The following TOP3A variants were observed in gnomAD, a reference collection of about 807,000 sequenced individuals.
The protein encoded by TOP3A is DNA topoisomerase 3-alpha.
A neutral mutation model predicts 111.3 loss-of-function variants in TOP3A; 64 were observed. That is an observed-to-expected ratio of 0.57 (90% CI 0.47 to 0.71). The LOEUF (loss-of-function observed/expected upper bound fraction) is 0.71. TOP3A is among the 30% of genes least tolerant of loss of function. The pLI is 0.00. For synonymous variants in TOP3A, 484 were observed against 485.1 expected (o/e 1.00, Z 0.03); for missense variants, 1,104 against 1,285.0 (o/e 0.86, Z 2.15).
Position 18,285,397 on chromosome 17 carries a change from C to T in TOP3A, c.1711+10G>A. The T allele has an allele frequency of 6.2e-7, 1 of 1,613,982 alleles. No homozygotes were observed. Among genetic ancestry groups the T allele is most frequent in the Non-Finnish European group, 8.5e-7 (1 of 1,179,942 alleles). On this transcript the variant is annotated intron_variant, in intron 14 of 18. Transcript: ENST00000321105. ...ACCCACTACCCACTGCAAGCTCTGT[C>T]CTCCCTTACCTTCCACAAGTCCCAT...
chr17:18,290,738 G>A (rs949966903), intron 12 of TOP3A, 52 bp from the exon 13 acceptor site: 1 of 1,574,062 alleles, frequency 6.4e-7, no homozygotes, highest in East Asian at 2.3e-5. Context: ...GCACACTCAG[G>A]CAAAAAATAA....
At chr17:18,314,471 G>C in intron 1 of TOP3A, 128 bp downstream of exon 1, 2 of 1,096,916 alleles carry the variant, frequency 1.8e-6, no homozygotes, top group Non-Finnish European at 2.5e-6. Flanking sequence ...CAATAATCCA[G>C]ACGAGGGGCA....
chr17:18,305,739 G>C (rs1269229570), intron 4 of TOP3A, among the ~76,000 whole-genome samples: 1 of 152,058 alleles, frequency 6.6e-6, no homozygotes, highest in Admixed American at 6.6e-5. Flanking sequence ...TCGGGAAGCT[G>C]AGGCAGGAGA....
chr17:18,309,050 C>A, intron 1 of TOP3A, 109 bp from the exon 2 acceptor site: 3 of 567,928 alleles, frequency 5.3e-6, no homozygotes, highest in South Asian at 3.0e-5. Context: ...GTTATGATAC[C>A]AAAAATATAA....
In TOP3A at chr17:18,282,821, T is replaced by C. The variant is rs775904532; in HGVS notation, c.1898A>G (p.Gln633Arg). 5.0e-6 allele frequency: 8 copies of C among 1,614,192 alleles called. No homozygotes were observed. Among genetic ancestry groups the C allele is most frequent in the Non-Finnish European group, 6.8e-6 (8 of 1,180,032 alleles). ...KAKKLDEALA[Q>R]YFGNGTELAQ... ...CAACTCTGTCCCATTCCCAAAGTAC[T>C]GGGCCAAGGCCTCGTCCAATCTGAA... Residue 633 changes from glutamine (Q) to arginine (R), a missense_variant, in exon 16 of 19, where the codon CAG becomes CGG. Transcript: ENST00000321105.
chr17:18,302,634 C>G lies in TOP3A; in HGVS notation c.589G>C (p.Asp197His). The change falls in exon 6 of 19, where the codon GAT becomes CAT. Residue 197 changes from aspartate to histidine, a missense_variant. By Grantham distance (81) the Asp-to-His change is moderately conservative. Coordinates refer to ENST00000321105, the MANE Select transcript of TOP3A (RefSeq NM_004618.5). ...RTACENLTEP[D>H]QRVSDAVDVR... Reference sequence around the variant, plus strand: ...TCCACAGCATCGCTCACCCTCTGATCAGGCTCGGTCAGGTTTTCACAAGCT... The same window carrying G: ...TCCACAGCATCGCTCACCCTCTGATGAGGCTCGGTCAGGTTTTCACAAGCT... 1 of 1,614,228 alleles carries G rather than the reference C, an allele frequency of 6.2e-7. No individual in the cohort carries two copies. Among genetic ancestry groups the G allele is most frequent in the African/African-American group, 1.3e-5 (1 of 75,056 alleles).
intron 13 of TOP3A, among the ~76,000 whole-genome samples, chr17:18,286,899 T>C (rs1383435770): frequency 6.6e-6 from 1 of 152,146 alleles, no homozygotes; most frequent in Non-Finnish European, 1.5e-5. Flanking sequence ...TTCTCTTGCC[T>C]CAGCCTCCCG....
chr17:18,298,753 C>T (rs1216088306), intron 9 of TOP3A, among the ~76,000 whole-genome samples: 1 of 152,128 alleles, frequency 6.6e-6, no homozygotes, highest in East Asian at 1.9e-4. Context: ...TGTGACCTTA[C>T]CCCCAACCCT....
At chr17:18,297,432 GTCCCTGTCCCTC>G (rs1370103683) in intron 9 of TOP3A, among the ~76,000 whole-genome samples, 2 of 87,010 alleles carry the variant, frequency 2.3e-5, no homozygotes, top group African/African-American at 5.9e-5. Flanking sequence ...CCCTGTCCCT[GTCCCTGTCCCTC>G]TCCCTCTCCC....
intron 17 of TOP3A, among the ~76,000 whole-genome samples, chr17:18,278,919 A>T (rs1979576785): frequency 6.6e-6 from 1 of 152,226 alleles, no homozygotes; most frequent in Non-Finnish European, 1.5e-5. Context: ...CAGAGGTTGC[A>T]GTGAGCCAAG....
chr17:18,299,679 C>G, intron 8 of TOP3A, 46 bp from the exon 9 acceptor site: 1 of 1,550,698 alleles, frequency 6.4e-7, no homozygotes, highest in Non-Finnish European at 8.9e-7. Context: ...GTTAGTGCAT[C>G]ATCTCCATCC....
chr17:18,283,438 A>G (rs1458710695), intron 15 of TOP3A, among the ~76,000 whole-genome samples: 1 of 152,136 alleles, frequency 6.6e-6, no homozygotes, highest in African/African-American at 2.4e-5. Flanking sequence ...TATTAAGTCT[A>G]AACTAGCTCA....
intron 3 of TOP3A, among the ~76,000 whole-genome samples, chr17:18,307,963 G>A (rs1186638880): frequency 6.9e-6 from 1 of 144,272 alleles, no homozygotes; most frequent in Non-Finnish European, 1.5e-5. Flanking sequence ...TGTAATCCCA[G>A]CACTTCAGGA....
rs971101422 is a variant in TOP3A at position 18,295,749 on chromosome 17, G to A, written c.991-964C>T. 2.9e-4 allele frequency among the ~76,000 whole-genome samples: 44 copies of A among 151,630 alleles called. 1 individual carries two copies. Among genetic ancestry groups the A allele is most frequent in the East Asian group, 2.0e-4 (1 of 5,128 alleles). On this transcript the variant is annotated intron_variant, in intron 9 of 18. Coordinates refer to ENST00000321105, the MANE Select transcript of TOP3A (RefSeq NM_004618.5). ...GCTGTGATTACAGGCGTGAGCCACC[G>A]CGTCTGGCCCAGAAATCTACATTTT...
At chr17:18,275,329 A>G (rs1193137599) in intron 18 of TOP3A, among the ~76,000 whole-genome samples, 9 of 144,120 alleles carry the variant, frequency 6.2e-5, no homozygotes, top group Non-Finnish European at 1.4e-4. Context: ...GCAGCAGACG[A>G]TAAGGCTGAA....
chr17:18,303,136 G>C (rs1167391959), intron 5 of TOP3A: 1 of 163,576 alleles, frequency 6.1e-6, no homozygotes, highest in Admixed American at 6.1e-5. Flanking sequence ...TTGACTCAAG[G>C]TTTAAAGGAT....
chr17:18,302,431 G>C lies in TOP3A; in HGVS notation c.647C>G (p.Ala216Gly), dbSNP rs775990204. The C allele has an allele frequency of 5.6e-6, 9 of 1,594,702 alleles. No individual in the cohort carries two copies. Among genetic ancestry groups the C allele is most frequent in the Non-Finnish European group, 7.7e-6 (9 of 1,171,148 alleles). ...VRQELDLRIGAAFTRFQTLRL... is the reference protein window; with the variant it reads ...VRQELDLRIGGAFTRFQTLRL... ...CAGGGTCTGGAACCTAGTAAAGGCA[G>C]CTCCTGGAGAGTGAAGGAGAGTGAA... The change falls in exon 7 of 19, where the codon GCT becomes GGT. Residue 216 changes from alanine to glycine, a missense_variant. Coordinates refer to ENST00000321105, the MANE Select transcript of TOP3A (RefSeq NM_004618.5).
intron 13 of TOP3A, among the ~76,000 whole-genome samples, chr17:18,287,116 G>GTTC (rs1347915909): frequency 2.6e-5 from 4 of 151,874 alleles, no homozygotes; most frequent in Non-Finnish European, 2.9e-5. Context: ...AGGCAAATCT[G>GTTC]GCCAGGTGCA....
chr17:18,314,646 C>T lies in TOP3A; in HGVS notation c.133G>A (p.Ala45Thr), dbSNP rs1230922938. 6.2e-6 allele frequency: 10 copies of T among 1,613,448 alleles called. No homozygotes were observed. In the East Asian group the frequency reaches 6.7e-5, roughly 11 times the overall value. Residue 45 changes from alanine to threonine, a missense_variant, in exon 1 of 19, where the codon GCG becomes ACG. Transcript: ENST00000321105. ...KVLCVAEKND[A>T]AKGIADLLSN... Reference sequence around the variant, plus strand: ...AGCAGGTCGGCGATCCCCTTGGCCGCGTCGTTTTTTTCGGCCACACAGAGG... The same window carrying T: ...AGCAGGTCGGCGATCCCCTTGGCCGTGTCGTTTTTTTCGGCCACACAGAGG...
Sources: allele counts gnomAD v4.1 joint callset (sites outside exome capture counted in the v4.1 genomes callset), GRCh38; gene constraint gnomAD v4.1.1; transcripts MANE v1.5; gene names NCBI Gene and HGNC (gene_info 2026-07-23, HGNC 2026-07-21).